The following AP1S3 variants were observed in gnomAD, a reference collection of about 807,000 sequenced individuals.
The protein encoded by AP1S3 is AP-1 complex subunit sigma-3.
A neutral mutation model predicts 20.9 loss-of-function variants in AP1S3; 10 were observed. That is an observed-to-expected ratio of 0.48 (90% confidence interval 0.29 to 0.81). The LOEUF (loss-of-function observed/expected upper bound fraction) is 0.81, where lower values mean the gene tolerates loss of function less well. Among genes scored for constraint, AP1S3 ranks in the 30% least tolerant of loss-of-function variants. The pLI is 0.08. For synonymous variants in AP1S3, 41 were observed against 61.5 expected (o/e 0.67, Z 1.56); for missense variants, 154 against 183.8 (o/e 0.84, Z 0.94).
In AP1S3 at chr2:223,755,777, G is replaced by A. The variant is rs571858934; in HGVS notation, c.*2938C>T. On this transcript the variant is annotated 3_prime_UTR_variant, in exon 5 of 5. Transcript: ENST00000396654. ...AACTCCTGACCTCAGGTGATCTGCC[G>A]CCTTGACCTCCCAAAGTGCTGGGAT... is the stretch of plus-strand genomic sequence containing the variant. 16 of 935,184 alleles carry A rather than the reference G, an allele frequency of 1.7e-5. No homozygotes were observed. The highest frequency in any genetic ancestry group is 4.9e-5 in the South Asian group (1 of 20,294). The allele number at this position is 935,184 out of a possible 1,614,324, so 57.9% of individuals were successfully genotyped here. A position where few individuals can be genotyped will look rare whatever the true frequency, so the allele number is the denominator to read the frequency against.
chr2:223,804,549 T>A (rs1177991883), intron 1 of AP1S3, among the ~76,000 whole-genome samples: 5 of 152,000 alleles, frequency 3.3e-5, no homozygotes, highest in South Asian at 4.2e-4. Context: ...AAAACTTTTT[T>A]AAATAAATTA....
At chr2:223,789,671 T>G (rs1398623657) in intron 1 of AP1S3, among the ~76,000 whole-genome samples, 2 of 125,384 alleles carry the variant, frequency 1.6e-5, no homozygotes, top group East Asian at 2.7e-4. Context: ...CAAAACCCTG[T>G]CTCAAAAAAA....
At chr2:223,797,313 A>G (rs1691361673) in intron 1 of AP1S3, among the ~76,000 whole-genome samples, 1 of 152,184 alleles carries the variant, frequency 6.6e-6, no homozygotes, top group Admixed American at 6.5e-5. Flanking sequence ...ACAAGCTCCA[A>G]CGAAAGCCGC....
chr2:223,769,693 G>GA (rs1375064008), intron 3 of AP1S3, among the ~76,000 whole-genome samples: 1 of 145,356 alleles, frequency 6.9e-6, no homozygotes, highest in African/African-American at 2.5e-5. Context: ...TTGTAAGGAG[G>GA]AAAAAAAAGA....
At chr2:223,778,372 C>T (rs1040844591) in intron 1 of AP1S3, among the ~76,000 whole-genome samples, 1 of 152,032 alleles carries the variant, frequency 6.6e-6, no homozygotes, top group Non-Finnish European at 1.5e-5. Context: ...GTGATCGCCC[C>T]ACCTCAGCCT....
At chr2:223,833,528 A>T (rs1692325551) in intron 1 of AP1S3, among the ~76,000 whole-genome samples, 1 of 152,194 alleles carries the variant, frequency 6.6e-6, no homozygotes, top group South Asian at 2.1e-4. Flanking sequence ...AACCAGGGTC[A>T]CTGGCACCAT....
At chr2:223,799,208 GACACACACACACAC>G (rs10527751) in intron 1 of AP1S3, among the ~76,000 whole-genome samples, 1,700 of 145,994 alleles carry the variant, frequency 0.012, 39 homozygotes, top group African/African-American at 0.039. Context: ...TTCGGGCCTA[GACACACACACACAC>G]ACACACACAC....
intron 1 of AP1S3, among the ~76,000 whole-genome samples, chr2:223,822,184 G>A (rs1692002750): frequency 6.6e-6 from 1 of 151,970 alleles, no homozygotes; most frequent in African/African-American, 2.4e-5. Flanking sequence ...GAGCCTAGGA[G>A]TTCAAGACCA....
chr2:223,823,382 T>C (rs534985673), intron 1 of AP1S3, among the ~76,000 whole-genome samples: 2 of 152,316 alleles, frequency 1.3e-5, no homozygotes, highest in East Asian at 3.9e-4. Context: ...GTGGTATATA[T>C]ACACAATGGA....
intron 1 of AP1S3, among the ~76,000 whole-genome samples, chr2:223,812,472 T>C (rs1285495905): frequency 6.6e-6 from 1 of 152,212 alleles, no homozygotes; most frequent in Non-Finnish European, 1.5e-5. Context: ...TCAGCCCGCA[T>C]TGGCCTCCCA....
chr2:223,763,206 C>T (rs1226804845), intron 4 of AP1S3, among the ~76,000 whole-genome samples: 5 of 152,154 alleles, frequency 3.3e-5, no homozygotes, highest in Non-Finnish European at 7.3e-5. Flanking sequence ...ATGCAAGGTC[C>T]CCTGAGACCT....
chr2:223,784,546 G>A (rs575517688), intron 1 of AP1S3, among the ~76,000 whole-genome samples: 6 of 152,106 alleles, frequency 3.9e-5, no homozygotes, highest in African/African-American at 1.4e-4. Context: ...CCTCTTCTGG[G>A]GCTCCTCACC....
intron 1 of AP1S3, among the ~76,000 whole-genome samples, chr2:223,786,840 G>C (rs1691089620): frequency 6.6e-6 from 1 of 152,068 alleles, no homozygotes; most frequent in Non-Finnish European, 1.5e-5. Flanking sequence ...AGGAGGTGGA[G>C]GCTGCAGTGA....
chr2:223,780,798 A>G (rs1056518963), intron 1 of AP1S3, among the ~76,000 whole-genome samples: 3 of 151,324 alleles, frequency 2.0e-5, no homozygotes, highest in African/African-American at 7.3e-5. Flanking sequence ...CATAATTTCA[A>G]TTTCTGTGTT....
chr2:223,812,598 CT>C (rs1691758032), intron 1 of AP1S3, among the ~76,000 whole-genome samples: 1 of 152,080 alleles, frequency 6.6e-6, no homozygotes, highest in Non-Finnish European at 1.5e-5. Flanking sequence ...AGAGAAGTGG[CT>C]TTTTTGTTTT....
intron 1 of AP1S3, among the ~76,000 whole-genome samples, chr2:223,830,790 G>T (rs1275949240): frequency 6.6e-6 from 1 of 152,144 alleles, no homozygotes; most frequent in Non-Finnish European, 1.5e-5. Context: ...GACTGTACTA[G>T]GTCCATGCCC....
At position 223,825,095 on chromosome 2, in the gene AP1S3, G is replaced by A. The variant is rs140452007; in HGVS notation, c.3+12353C>T. Among the ~76,000 whole-genome samples, 841 of 151,948 alleles carry A rather than the reference G, an allele frequency of 5.5e-3. 9 individuals carry two copies. The highest frequency in any genetic ancestry group is 0.018 in the African/African-American group (727 of 41,476). ...GAGGCTGAGGCGGGCGGAGCACGAG[G>A]TCAGGAGATCTAGACCATCCTGGCT... On this transcript the variant is annotated intron_variant, in intron 1 of 4. Coordinates refer to ENST00000396654, the MANE Select transcript of AP1S3 (RefSeq NM_001039569.2).
intron 1 of AP1S3, among the ~76,000 whole-genome samples, chr2:223,806,926 T>C (rs978300160): frequency 2.0e-5 from 3 of 152,210 alleles, no homozygotes; most frequent in Non-Finnish European, 4.4e-5. Context: ...ACAATAATTA[T>C]GCATTACTGT....
intron 1 of AP1S3, among the ~76,000 whole-genome samples, chr2:223,823,445 A>T (rs1392192735): frequency 6.6e-6 from 1 of 152,230 alleles, no homozygotes; most frequent in Non-Finnish European, 1.5e-5. Flanking sequence ...GAGAACATGG[A>T]TGAACCTGAA....
Sources: gnomAD v4.1 joint callset for allele counts (sites outside exome capture counted in the v4.1 genomes callset) on GRCh38, gnomAD v4.1.1 for gene constraint, MANE v1.5 for transcripts, NCBI Gene and HGNC (gene_info 2026-07-23, HGNC 2026-07-21) for gene names.